The following KCNMA1 variants were observed in gnomAD, a reference collection of about 807,000 sequenced individuals.
The protein encoded by KCNMA1 is potassium calcium-activated channel subfamily M alpha 1.
Under a neutral mutation model 140.0 loss-of-function variants are expected in KCNMA1, and 29 were observed. That is an observed-to-expected ratio of 0.21 (90% confidence interval 0.15 to 0.28). KCNMA1 has a LOEUF of 0.28. KCNMA1 is among the 10% of genes least tolerant of loss of function. KCNMA1 has a pLI of 1.00. For missense variants in KCNMA1, 880 were observed against 1,602.2 expected (o/e 0.55, Z 7.70); for synonymous variants, 612 against 611.9 (o/e 1.00, Z 0.00).
chr10:77,402,599 C>A (rs542474326), intron 2 of KCNMA1, among the ~76,000 whole-genome samples: 10 of 152,328 alleles, frequency 6.6e-5, no homozygotes, highest in Middle Eastern at 3.4e-3. Flanking sequence ...CATTCTCTCA[C>A]TCCTTCCCAC....
chr10:77,598,516 A>G (rs1049407831), intron 1 of KCNMA1, among the ~76,000 whole-genome samples: 1 of 152,240 alleles, frequency 6.6e-6, no homozygotes, highest in Non-Finnish European at 1.5e-5. Flanking sequence ...GGCATCCGAG[A>G]GCCATCAAAC....
chr10:77,197,072 T>A (rs1418848171), intron 3 of KCNMA1, among the ~76,000 whole-genome samples: 3 of 152,194 alleles, frequency 2.0e-5, no homozygotes, highest in African/African-American at 4.8e-5. Context: ...CACAATTTAC[T>A]AATCAATGAT....
intron 1 of KCNMA1, among the ~76,000 whole-genome samples, chr10:77,416,706 A>C (rs2096749020): frequency 6.6e-6 from 1 of 151,954 alleles, no homozygotes; most frequent in Admixed American, 6.6e-5. Flanking sequence ...TTCATCACAC[A>C]CGTGTGCTTA....
At chr10:77,181,001 C>T (rs982492306) in intron 5 of KCNMA1, among the ~76,000 whole-genome samples, 8 of 152,134 alleles carry the variant, frequency 5.3e-5, no homozygotes, top group Admixed American at 1.3e-4. Context: ...CTTCAGGGAA[C>T]GTGTCACTCA....
At chr10:77,394,842 G>T (rs1012650686) in intron 2 of KCNMA1, among the ~76,000 whole-genome samples, 1 of 152,130 alleles carries the variant, frequency 6.6e-6, no homozygotes, top group Non-Finnish European at 1.5e-5. Flanking sequence ...TCTTTACAGG[G>T]ACAGATGGTA....
intron 1 of KCNMA1, among the ~76,000 whole-genome samples, chr10:77,457,481 G>A (rs955453454): frequency 8.6e-5 from 13 of 151,996 alleles, no homozygotes; most frequent in Non-Finnish European, 1.3e-4. Flanking sequence ...TCCAGCATCC[G>A]CCAGGTGCTG....
chr10:76,871,209 C>T (rs2031248991), exon 28 of KCNMA1: 1 of 152,846 alleles, frequency 6.5e-6, no homozygotes, highest in South Asian at 2.1e-4. Flanking sequence ...TCCCACTCCT[C>T]TTGCCTGTGT....
chr10:77,218,660 T>C (rs2048573158), intron 3 of KCNMA1, among the ~76,000 whole-genome samples: 1 of 152,200 alleles, frequency 6.6e-6, no homozygotes, highest in Admixed American at 6.5e-5. Context: ...TTTCAAAATA[T>C]ATGAGACTGT....
intron 5 of KCNMA1, among the ~76,000 whole-genome samples, chr10:77,164,049 T>G (rs1371149935): frequency 6.6e-6 from 1 of 152,178 alleles, no homozygotes; most frequent in Non-Finnish European, 1.5e-5. Flanking sequence ...AAGGATATGA[T>G]GTACTCAAGC....
intron 13 of KCNMA1, among the ~76,000 whole-genome samples, chr10:77,076,846 T>C (rs1431381268): frequency 6.6e-6 from 1 of 152,228 alleles, no homozygotes; most frequent in African/African-American, 2.4e-5. Context: ...AGAATATTAC[T>C]ATTACTGGAT....
intron 2 of KCNMA1, among the ~76,000 whole-genome samples, chr10:77,384,345 G>A (rs2154433285): frequency 6.6e-6 from 1 of 152,286 alleles, no homozygotes; most frequent in South Asian, 2.1e-4. Context: ...ATGTGTGCAG[G>A]GTTGAGGCAA....
chr10:76,926,513 CA>C, intron 23 of KCNMA1, among the ~76,000 whole-genome samples: 1 of 152,210 alleles, frequency 6.6e-6, no homozygotes, highest in East Asian at 1.9e-4. Context: ...ACAGAGAAAA[CA>C]AAACACATGG....
chr10:77,050,520 TA>T (rs1483491667), intron 14 of KCNMA1, among the ~76,000 whole-genome samples: 1 of 152,200 alleles, frequency 6.6e-6, no homozygotes, highest in Non-Finnish European at 1.5e-5. Flanking sequence ...GCTTACTTAG[TA>T]AAAGTCCTTT....
chr10:76,941,086 A>G (rs1387955423), intron 23 of KCNMA1, among the ~76,000 whole-genome samples: 1 of 50,896 alleles, frequency 2.0e-5, no homozygotes, highest in African/African-American at 5.9e-5. Flanking sequence ...AGAAAGAAAG[A>G]GAAAGAAAGA....
rs1231143729 is a variant in KCNMA1, at chr10:77,636,748, C to A, written c.378+517G>T. 8 of 1,484,142 alleles carry A rather than the reference C, an allele frequency of 5.4e-6. No homozygotes were observed. In the African/African-American group the frequency reaches 1.1e-4, roughly 21 times the overall value. The allele number at this position is 1,484,142 out of a possible 1,614,324, so 91.9% of individuals were successfully genotyped here. On this transcript the variant is annotated intron_variant, in intron 1 of 27. Coordinates refer to ENST00000286628, the MANE Select transcript of KCNMA1 (RefSeq NM_001161352.2). ...CGGGATTCCCTTGTGCAAAATTATTCTCTCCCTTGCCCAAAGGATTTTTCC... is the reference window on the plus strand; with the variant it reads ...CGGGATTCCCTTGTGCAAAATTATTATCTCCCTTGCCCAAAGGATTTTTCC...
downstream of KCNMA1, chr10:76,874,458 G>A (rs544632435): frequency 2.6e-5 from 4 of 152,314 alleles, no homozygotes; most frequent in South Asian, 8.3e-4. Context: ...ATTTACAAAT[G>A]AAGTCACTGA....
chr10:76,970,127 G>T, intron 19 of KCNMA1, 60 bp from the exon 20 acceptor site: 1 of 1,300,468 alleles, frequency 7.7e-7, no homozygotes, highest in Non-Finnish European at 1.1e-6. Flanking sequence ...GTGCAATACA[G>T]GCAAAATATC....
At chr10:77,520,170 TGAGG>T (rs1353634657) in intron 1 of KCNMA1, among the ~76,000 whole-genome samples, 1 of 38,542 alleles carries the variant, frequency 2.6e-5, no homozygotes, top group African/African-American at 9.6e-5. Context: ...ATATGCAGTG[TGAGG>T]GCTGGGGTAT....
At chr10:76,946,789 C>G (rs1014494171) in intron 22 of KCNMA1, among the ~76,000 whole-genome samples, 2 of 152,184 alleles carry the variant, frequency 1.3e-5, no homozygotes, top group African/African-American at 2.4e-5. Flanking sequence ...AAGATGATCC[C>G]TGTGCAGTTG....
Sources: gnomAD v4.1 joint callset for allele counts (sites outside exome capture counted in the v4.1 genomes callset) on GRCh38, gnomAD v4.1.1 for gene constraint, MANE v1.5 for transcripts, NCBI Gene and HGNC (gene_info 2026-07-23, HGNC 2026-07-21) for gene names.